The following KALRN variants were observed in gnomAD, a reference collection of about 807,000 sequenced individuals.
KALRN encodes kalirin RhoGEF kinase.
In KALRN, 70 loss-of-function variants were observed where a neutral mutation model predicts 353.7. The ratio of observed to expected loss-of-function variants is 0.20; its 90% CI spans 0.16 to 0.24. The LOEUF (loss-of-function observed/expected upper bound fraction) is 0.24. Among genes scored for constraint, KALRN ranks in the 10% least tolerant of loss-of-function variants. KALRN has a pLI of 1.00. For synonymous variants in KALRN, 1,391 were observed against 1,434.8 expected (o/e 0.97, Z 0.69); for missense variants, 2,791 against 3,756.7 (o/e 0.74, Z 6.72).
intron 1 of KALRN, among the ~76,000 whole-genome samples, chr3:124,164,885 G>A (rs568605043): frequency 6.6e-6 from 1 of 152,304 alleles, no homozygotes; most frequent in South Asian, 2.1e-4. Flanking sequence ...TACCTTTGGA[G>A]TCCAGCTCTA....
chr3:124,079,863 A>G (rs1164986093), intron 1 of KALRN, among the ~76,000 whole-genome samples: 1 of 152,212 alleles, frequency 6.6e-6, no homozygotes, highest in Non-Finnish European at 1.5e-5. Flanking sequence ...GAAAAAACTC[A>G]CAAGTTTAGT....
chr3:124,109,028 C>A (rs2062586367), intron 1 of KALRN, among the ~76,000 whole-genome samples: 1 of 152,152 alleles, frequency 6.6e-6, no homozygotes, highest in South Asian at 2.1e-4. Flanking sequence ...TCCTGCTTCT[C>A]CTTCTCCTGC....
chr3:124,659,404 G>A lies in KALRN; in HGVS notation c.6163G>A (p.Asp2055Asn). The change falls in exon 43 of 60, where the codon GAC (aspartate) becomes AAC (asparagine). Residue 2055 changes from aspartate to asparagine, a missense_variant. Physicochemically the swap from Asp to Asn is conservative, Grantham distance 23 (BLOSUM62 1). Transcript: ENST00000682506. ...QEINQRLTLS[D>N]FLIKPIQRIT... ...GATAAATCAGAGGCTGACACTGAGT[G>A]ACTTCCTCATCAAGCCCATTCAGAG... 1 of 1,613,942 alleles carries A rather than the reference G, an allele frequency of 6.2e-7. No homozygotes were observed. Among genetic ancestry groups the A allele is most frequent in the Non-Finnish European group, 8.5e-7 (1 of 1,179,868 alleles).
At position 124,616,651 on chromosome 3, in the gene KALRN, G is replaced by C. The variant is rs151224324; in HGVS notation, c.5183-15769G>C. On this transcript the variant is annotated intron_variant, in intron 34 of 59. Transcript: ENST00000682506. ...TGGCTTTCTTAACTCATCTTTAATT[G>C]ACTGGGCAGCACTTAGAACTTCTTA... Among the ~76,000 whole-genome samples, 477 of 152,196 alleles carry C rather than the reference G, an allele frequency of 3.1e-3. 2 individuals are homozygous for C. Among genetic ancestry groups the C allele is most frequent in the African/African-American group, 0.011 (456 of 41,526 alleles).
intron 59 of KALRN, among the ~76,000 whole-genome samples, chr3:124,718,122 ATT>A (rs35779082): frequency 6.3e-5 from 8 of 126,944 alleles, no homozygotes; most frequent in Middle Eastern, 5.0e-3. Context: ...CATTATGACT[ATT>A]TTTTTTTTTT....
chr3:124,604,885 G>A (rs953534129), intron 34 of KALRN, among the ~76,000 whole-genome samples: 13 of 151,908 alleles, frequency 8.6e-5, no homozygotes, highest in Non-Finnish European at 1.6e-4. Context: ...GCCGGGTGCA[G>A]TAGCTCATGC....
At chr3:124,709,498 G>A (rs2062791466) in intron 57 of KALRN, among the ~76,000 whole-genome samples, 1 of 152,110 alleles carries the variant, frequency 6.6e-6, no homozygotes, top group Non-Finnish European at 1.5e-5. Context: ...GGCTGGTCTT[G>A]AACTCTTGTC....
chr3:124,324,398 G>T (rs1334221992), intron 6 of KALRN, among the ~76,000 whole-genome samples: 1 of 152,136 alleles, frequency 6.6e-6, no homozygotes, highest in Non-Finnish European at 1.5e-5. Context: ...GTGCAGAGTG[G>T]TTTTTCTGTC....
intron 52 of KALRN, among the ~76,000 whole-genome samples, chr3:124,694,088 G>A (rs1340048910): frequency 1.3e-5 from 2 of 151,976 alleles, no homozygotes; most frequent in Non-Finnish European, 2.9e-5. Context: ...AATTATCTCT[G>A]GATTATGACA....
At chr3:124,404,176 A>G (rs1227333525) in intron 13 of KALRN, among the ~76,000 whole-genome samples, 4 of 149,690 alleles carry the variant, frequency 2.7e-5, no homozygotes, top group Admixed American at 1.3e-4. Flanking sequence ...AAAAGAGAGA[A>G]CTAGTCTGCT....
chr3:124,563,759 AT>A (rs2072358405), intron 34 of KALRN, among the ~76,000 whole-genome samples: 1 of 152,146 alleles, frequency 6.6e-6, no homozygotes, highest in South Asian at 2.1e-4. Flanking sequence ...TGGTCTCTGG[AT>A]TAGTAATATC....
intron 5 of KALRN, among the ~76,000 whole-genome samples, chr3:124,272,981 C>T (rs1382439760): frequency 6.6e-6 from 1 of 152,150 alleles, no homozygotes; most frequent in Non-Finnish European, 1.5e-5. Flanking sequence ...GGCTGGTTGG[C>T]GGAGGCCTCT....
intron 5 of KALRN, among the ~76,000 whole-genome samples, chr3:124,293,954 A>G (rs934549980): frequency 1.3e-5 from 2 of 152,142 alleles, no homozygotes; most frequent in African/African-American, 4.8e-5. Context: ...TCATTCATTC[A>G]GTGAGTATTG....
At chr3:124,199,842 A>G (rs1399335831) in intron 1 of KALRN, among the ~76,000 whole-genome samples, 2 of 152,152 alleles carry the variant, frequency 1.3e-5, no homozygotes, top group African/African-American at 4.8e-5. Context: ...GATAGACAAG[A>G]TGGCCACTGG....
At chr3:124,122,857 T>A (rs970390617) in intron 1 of KALRN, among the ~76,000 whole-genome samples, 1 of 152,062 alleles carries the variant, frequency 6.6e-6, no homozygotes, top group Admixed American at 6.6e-5. Context: ...ACATCCCTCA[T>A]GGTAAATCAA....
rs547675122 is a variant in KALRN at position 124,248,768 on chromosome 3, C to G, written c.263+13825C>G. Reference sequence around the variant, plus strand: ...GAGAGCTACTAAAAAACTCTAAAATCAGTACATTTTTCTCCCTTGCATCTC... The same window carrying G: ...GAGAGCTACTAAAAAACTCTAAAATGAGTACATTTTTCTCCCTTGCATCTC... On this transcript the variant is annotated intron_variant, in intron 3 of 59. Coordinates refer to ENST00000682506, the MANE Select transcript of KALRN (RefSeq NM_001388419.1). 7.2e-5 allele frequency among the ~76,000 whole-genome samples: 11 copies of G among 152,332 alleles called. No homozygotes were observed. In the East Asian group the frequency reaches 1.7e-3, roughly 24 times the overall value.
chr3:124,185,961 GC>G (rs1449153088), intron 1 of KALRN, among the ~76,000 whole-genome samples: 3 of 152,188 alleles, frequency 2.0e-5, no homozygotes, highest in South Asian at 4.1e-4. Context: ...TGTGGTATCT[GC>G]CCCTGGGTCA....
intron 34 of KALRN, among the ~76,000 whole-genome samples, chr3:124,596,885 C>CAAAAATACAAAAAATACA (rs1245400253): frequency 6.6e-6 from 1 of 151,968 alleles, no homozygotes; most frequent in Non-Finnish European, 1.5e-5. Flanking sequence ...CCATCTCTAC[C>CAAAAATACAAAAAATACA]AAAAATACAA....
chr3:124,617,985 G>C (rs897270465), intron 34 of KALRN, among the ~76,000 whole-genome samples: 1 of 151,864 alleles, frequency 6.6e-6, no homozygotes, highest in Non-Finnish European at 1.5e-5. Flanking sequence ...GAAAAAGACT[G>C]GGGGCAGAGA....
Sources: allele counts gnomAD v4.1 joint callset (sites outside exome capture counted in the v4.1 genomes callset), GRCh38; gene constraint gnomAD v4.1.1; transcripts MANE v1.5; gene names NCBI Gene and HGNC (gene_info 2026-07-23, HGNC 2026-07-21).